COP1: variants seen among roughly 807,000 people sequenced by gnomAD.
COP1 encodes COP1 E3 ubiquitin ligase.
COP1 carries 24 observed loss-of-function variants against 101.3 expected under a neutral mutation model. The observed-to-expected ratio is 0.24, with a 90% CI of 0.17 to 0.33. The LOEUF is 0.33. COP1 is among the 10% of genes least tolerant of loss of function. The probability of loss-of-function intolerance (pLI) is 1.00; values close to 1 mark genes in which losing one functional copy is unlikely to be tolerated. For missense variants in COP1, 663 were observed against 906.2 expected (o/e 0.73, Z 3.45); for synonymous variants, 347 against 341.9 (o/e 1.01, Z -0.17).
chr1:176,117,563 A>C (rs1307746068), intron 8 of COP1, among the ~76,000 whole-genome samples: 1 of 152,202 alleles, frequency 6.6e-6, no homozygotes, highest in African/African-American at 2.4e-5. Flanking sequence ...ATAAACGATT[A>C]TTTACTTTTT....
intron 9 of COP1, among the ~76,000 whole-genome samples, chr1:176,102,463 G>A (rs147903557): frequency 5.1e-4 from 77 of 152,262 alleles, no homozygotes; most frequent in South Asian, 4.6e-3. Flanking sequence ...AACTGCCACT[G>A]CAAAATTACA....
Position 176,162,997 on chromosome 1 carries a change from GAAGA to G in COP1, c.643-13_643-10del. On this transcript the variant is annotated splice_polypyrimidine_tract_variant and intron_variant, in intron 4 of 19. Transcript: ENST00000367669. ...TGCCACCTGTGGCCATTCTAAAAAT[GAAGA>G]AAGAAGAAACACAACAACTTCCTAT... The G allele has an allele frequency of 6.3e-7, 1 of 1,587,254 alleles. No individual in the cohort carries two copies. The highest frequency in any genetic ancestry group is 1.2e-5 in the South Asian group (1 of 84,232).
At chr1:176,204,116 T>C (rs912878491) in intron 1 of COP1, among the ~76,000 whole-genome samples, 8 of 152,008 alleles carry the variant, frequency 5.3e-5, no homozygotes, top group African/African-American at 7.2e-5. Flanking sequence ...AACTCTCTAA[T>C]TGCACACAAA....
chr1:176,169,274 A>G (rs1695668211), intron 3 of COP1, among the ~76,000 whole-genome samples: 1 of 152,212 alleles, frequency 6.6e-6, no homozygotes, highest in Non-Finnish European at 1.5e-5. Context: ...TAAACGGTAC[A>G]TTCACTATAG....
intron 18 of COP1, among the ~76,000 whole-genome samples, chr1:175,982,886 G>A (rs1226505978): frequency 6.6e-6 from 1 of 152,144 alleles, no homozygotes; most frequent in Non-Finnish European, 1.5e-5. Context: ...GGGAGTGGGA[G>A]GATGCCAAGA....
At position 176,045,815 on chromosome 1, in the gene COP1, A is replaced by C. The variant is rs182649287; in HGVS notation, c.1421+366T>G. The stretch of plus-strand genomic sequence containing the variant: ...CTAGAAACAATTCTAATATGTTGAG[A>C]TATGTGCAGGCTAGGGGAAAAATTC... On this transcript the variant is annotated intron_variant, in intron 12 of 19. Coordinates refer to ENST00000367669, the MANE Select transcript of COP1 (RefSeq NM_022457.7). 6.2e-3 allele frequency among the ~76,000 whole-genome samples: 943 copies of C among 152,130 alleles called. 14 individuals carry two copies. The highest frequency in any genetic ancestry group is 0.021 in the African/African-American group (890 of 41,548).
In COP1 at chr1:176,076,298, T is replaced by C. The variant is rs141262611; in HGVS notation, c.1277+4854A>G. On this transcript the variant is annotated intron_variant, in intron 11 of 19. Transcript: ENST00000367669. ...ACTCTTGGACCACAGTGAATAAACA[T>C]AGAAATCAATATCAAGAAGATCTCT... Among the ~76,000 whole-genome samples, 221 of 152,100 alleles carry C rather than the reference T, an allele frequency of 1.5e-3. 1 individual carries two copies. The highest frequency in any genetic ancestry group is 2.5e-3 in the Non-Finnish European group (167 of 67,974).
intron 5 of COP1, among the ~76,000 whole-genome samples, chr1:176,154,845 A>G (rs1306500127): frequency 2.0e-5 from 3 of 152,210 alleles, no homozygotes; most frequent in Admixed American, 6.5e-5. Flanking sequence ...ATTGGAAAGA[A>G]AATTGAAAAA....
At chr1:175,959,366 A>G (rs537920208) in intron 18 of COP1, among the ~76,000 whole-genome samples, 1 of 152,216 alleles carries the variant, frequency 6.6e-6, no homozygotes, top group South Asian at 2.1e-4. Flanking sequence ...TAACATCTTT[A>G]AAAGCTTTCC....
rs570998510 is a variant in COP1, at chr1:176,072,969, T to C, written c.1277+8183A>G. 8.5e-5 allele frequency among the ~76,000 whole-genome samples: 13 copies of C among 152,296 alleles called. 1 individual carries two copies. Among genetic ancestry groups the C allele is most frequent in the African/African-American group, 3.1e-4 (13 of 41,572 alleles). Reference sequence around the variant, plus strand: ...TCTGGGTGTCTCAAAGGAAAAGTGTTTTCTGAAACTTTACAAAGTTTCAAT... The same window carrying C: ...TCTGGGTGTCTCAAAGGAAAAGTGTCTTCTGAAACTTTACAAAGTTTCAAT... On this transcript the variant is annotated intron_variant, in intron 11 of 19. Transcript: ENST00000367669.
chr1:176,148,531 C>T (rs1691934260), intron 6 of COP1, among the ~76,000 whole-genome samples: 1 of 152,030 alleles, frequency 6.6e-6, no homozygotes, highest in Non-Finnish European at 1.5e-5. Context: ...AACATGCTCG[C>T]TATAAAACTG....
intron 1 of COP1, among the ~76,000 whole-genome samples, chr1:176,202,185 C>CTTTT (rs11367274): frequency 4.1e-5 from 4 of 96,388 alleles, no homozygotes; most frequent in African/African-American, 1.4e-4. Context: ...TTCTAGTTCA[C>CTTTT]TTTTTTTTTT....
chr1:175,955,941 A>G (rs1043375318), intron 18 of COP1, among the ~76,000 whole-genome samples: 1 of 152,196 alleles, frequency 6.6e-6, no homozygotes, highest in African/African-American at 2.4e-5. Flanking sequence ...CTATAGGCTC[A>G]ATGCAATTCC....
intron 19 of COP1, 71 bp from the exon 20 acceptor site, chr1:175,945,241 A>G: frequency 2.7e-6 from 3 of 1,113,962 alleles, no homozygotes; most frequent in Non-Finnish European, 3.9e-6. Flanking sequence ...ATGACTCTTT[A>G]CTATATTTAC....
chr1:176,089,124 A>C (rs1471369471), intron 9 of COP1, among the ~76,000 whole-genome samples: 5 of 151,968 alleles, frequency 3.3e-5, no homozygotes, highest in Admixed American at 3.3e-4. Context: ...AAGATGGTGA[A>C]ACCCCGTCTC....
At chr1:175,957,050 A>G (rs947718419) in intron 18 of COP1, among the ~76,000 whole-genome samples, 1 of 152,262 alleles carries the variant, frequency 6.6e-6, no homozygotes, top group East Asian at 1.9e-4. Flanking sequence ...TTTTAAGCTA[A>G]AAGTTATTAC....
At chr1:175,971,490 G>A (rs1339698338) in intron 18 of COP1, among the ~76,000 whole-genome samples, 1 of 151,942 alleles carries the variant, frequency 6.6e-6, no homozygotes, top group African/African-American at 2.4e-5. Flanking sequence ...AGGTTCCAGG[G>A]CCTCCAGGTT....
At chr1:175,967,853 A>G (rs537831125) in intron 18 of COP1, among the ~76,000 whole-genome samples, 2 of 152,222 alleles carry the variant, frequency 1.3e-5, no homozygotes, top group African/African-American at 4.8e-5. Context: ...GTGGCCCCTT[A>G]GAAGAATAAT....
chr1:176,107,012 A>G (rs1684441911), intron 9 of COP1, among the ~76,000 whole-genome samples: 1 of 152,090 alleles, frequency 6.6e-6, no homozygotes, highest in Non-Finnish European at 1.5e-5. Context: ...GACAAAGAAT[A>G]TTGTGACTGA....
Sources: gnomAD v4.1 joint callset for allele counts (sites outside exome capture counted in the v4.1 genomes callset) on GRCh38, gnomAD v4.1.1 for gene constraint, MANE v1.5 for transcripts, NCBI Gene and HGNC (gene_info 2026-07-23, HGNC 2026-07-21) for gene names.